TPM3: variants seen among roughly 807,000 people sequenced by gnomAD.
The protein encoded by TPM3 is tropomyosin 3.
A neutral mutation model predicts 43.1 loss-of-function variants in TPM3; 16 were observed. The observed-to-expected ratio is 0.37, with a 90% CI of 0.25 to 0.56. TPM3 has a LOEUF of 0.56. Among genes scored for constraint, TPM3 ranks in the 20% least tolerant of loss-of-function variants. The pLI is 0.77. For missense variants in TPM3, 176 were observed against 337.2 expected (o/e 0.52, Z 3.74); for synonymous variants, 101 against 116.9 (o/e 0.86, Z 0.88).
chr1:154,173,966 T>A (rs956917787), intron 3 of TPM3, among the ~76,000 whole-genome samples: 1 of 151,632 alleles, frequency 6.6e-6, no homozygotes, highest in African/African-American at 2.4e-5. Context: ...GGCGACAGAG[T>A]GAGACACCGT....
intron 8 of TPM3, chr1:154,169,664 G>A: frequency 1.9e-6 from 1 of 537,974 alleles, no homozygotes; most frequent in South Asian, 2.1e-5. Flanking sequence ...GCACTCAAGA[G>A]GATACCACTC....
intron 2 of TPM3, 70 bp downstream of exon 2, chr1:154,191,116 T>A: frequency 6.2e-7 from 1 of 1,611,956 alleles, no homozygotes; most frequent in Non-Finnish European, 8.5e-7. Context: ...GTGTTTGGAA[T>A]TTCGTCATAC....
chr1:154,175,330 CAA>C (rs34360728), intron 3 of TPM3, among the ~76,000 whole-genome samples: 11 of 89,494 alleles, frequency 1.2e-4, no homozygotes, highest in South Asian at 3.8e-4. Flanking sequence ...GACTCTGTCT[CAA>C]AAAAAAAAAA....
Position 154,163,556 on chromosome 1 carries a change from T to C in TPM3, c.*4381A>G, listed in dbSNP as rs971910019. 6.6e-6 allele frequency among the ~76,000 whole-genome samples: 1 copy of C among 152,172 alleles called. No individual in the cohort carries two copies. Among genetic ancestry groups the C allele is most frequent in the Non-Finnish European group, 1.5e-5 (1 of 68,026 alleles). On this transcript the variant is annotated 3_prime_UTR_variant, in exon 10 of 10. Transcript: ENST00000651641. ...ACTAGAAAGCATCCAACCCGGAACT[T>C]TTTAAAGAACTACTCAACCGTCTTC...
chr1:154,174,368 G>A (rs9660782), intron 3 of TPM3, among the ~76,000 whole-genome samples: 18 of 46,378 alleles, frequency 3.9e-4, no homozygotes, highest in Non-Finnish European at 6.9e-4. Flanking sequence ...AAATATATGT[G>A]TATATATATA....
At position 154,173,216 on chromosome 1, in the gene TPM3, A is replaced by G; in HGVS notation, c.378-15T>C. On this transcript the variant is annotated splice_polypyrimidine_tract_variant and intron_variant, in intron 3 of 9. Transcript: ENST00000651641. Reference sequence around the variant, plus strand: ...CCTTCATACCTCTGCCAGAAATAGGACAAAAGCAATACTGACACCCTGAGG... The same window carrying G: ...CCTTCATACCTCTGCCAGAAATAGGGCAAAAGCAATACTGACACCCTGAGG... 1 of 1,609,726 alleles carries G rather than the reference A, an allele frequency of 6.2e-7. No individual in the cohort carries two copies. The highest frequency in any genetic ancestry group is 8.5e-7 in the Non-Finnish European group (1 of 1,176,778).
intron 2 of TPM3, among the ~76,000 whole-genome samples, chr1:154,178,568 G>C (rs1398844769): frequency 3.3e-5 from 5 of 152,212 alleles, no homozygotes; most frequent in African/African-American, 9.6e-5. Context: ...AGGAAGACAA[G>C]CTGACTTTTC....
At chr1:154,172,022 T>A in intron 5 of TPM3, 1 of 1,613,712 alleles carries the variant, frequency 6.2e-7, no homozygotes, top group Non-Finnish European at 8.5e-7. Context: ...GGCTTAATGG[T>A]TAGTACCTTT....
intron 2 of TPM3, chr1:154,183,519 A>C: frequency 8.1e-6 from 3 of 368,592 alleles, no homozygotes; most frequent in South Asian, 2.5e-5. Flanking sequence ...CCCGCAATTG[A>C]CCCCTCACTC....
downstream of TPM3, chr1:154,156,257 T>A (rs1446982261): frequency 5.6e-6 from 1 of 179,760 alleles, no homozygotes; most frequent in Non-Finnish European, 1.2e-5. Flanking sequence ...AAAGAATAAA[T>A]CCTGTTGCTA....
intron 8 of TPM3, chr1:154,169,933 T>A: frequency 4.1e-6 from 1 of 244,116 alleles, no homozygotes; most frequent in Non-Finnish European, 8.1e-6. Context: ...ACAGAAAGTA[T>A]TTAGAAAGCT....
At chr1:154,168,079 A>C in intron 9 of TPM3, 139 bp from the exon 10 acceptor site, 1 of 1,274,862 alleles carries the variant, frequency 7.8e-7, no homozygotes, top group South Asian at 1.3e-5. Context: ...CAGCCTGAGA[A>C]ATGTGGCTTC....
rs1340159602 is a variant in TPM3 at position 154,174,401 on chromosome 1, T to TAC, written c.378-1201_378-1200insGT. On this transcript the variant is annotated intron_variant, in intron 3 of 9. Transcript: ENST00000651641. ...ATATATATATATATATATATATATA[T>TAC]ATATATACACACAAAAATCCCATCC... Among the ~76,000 whole-genome samples the TAC allele has an allele frequency of 2.1e-4, 22 of 104,960 alleles. 1 individual carries two copies. The South Asian group carries it at 6.5e-3, about 31-fold the overall frequency. 68.9% of individuals were successfully genotyped at this position (104,960 alleles called of 152,430 possible).
At chr1:154,187,377 C>T in intron 2 of TPM3, 6 of 984,812 alleles carry the variant, frequency 6.1e-6, no homozygotes, top group Non-Finnish European at 7.2e-6. Context: ...CTCCTGGCCA[C>T]AACCTTCCCT....
chr1:154,157,806 G>T (rs901425130), downstream of TPM3: 5 of 774,786 alleles, frequency 6.5e-6, no homozygotes, highest in African/African-American at 5.1e-5. Flanking sequence ...TCCTGTTGCA[G>T]AGAAGCTGCA....
intron 2 of TPM3, among the ~76,000 whole-genome samples, chr1:154,184,814 T>G (rs1296664956): frequency 2.6e-5 from 4 of 151,916 alleles, no homozygotes; most frequent in Non-Finnish European, 5.9e-5. Flanking sequence ...CTTGGGAGGC[T>G]GAGGTGGGAA....
downstream of TPM3, chr1:154,157,671 C>A (rs1279954710): frequency 1.3e-6 from 1 of 780,446 alleles, no homozygotes; most frequent in South Asian, 1.3e-5. Flanking sequence ...AGGGTCTGGT[C>A]CAGCATCCTT....
At chr1:154,188,536 G>A (rs990299888) in intron 2 of TPM3, among the ~76,000 whole-genome samples, 1 of 151,088 alleles carries the variant, frequency 6.6e-6, no homozygotes, top group Non-Finnish European at 1.5e-5. Flanking sequence ...TTAGCCGGGC[G>A]CGGTGGCGGG....
At chr1:154,175,572 G>A (rs996113847) in intron 3 of TPM3, among the ~76,000 whole-genome samples, 46 of 152,152 alleles carry the variant, frequency 3.0e-4, no homozygotes, top group African/African-American at 1.1e-3. Flanking sequence ...GATCAGCATA[G>A]GAGCTGAGAA....
Sources: gnomAD v4.1 joint callset for allele counts (sites outside exome capture counted in the v4.1 genomes callset) on GRCh38, gnomAD v4.1.1 for gene constraint, MANE v1.5 for transcripts, NCBI Gene and HGNC (gene_info 2026-07-23, HGNC 2026-07-21) for gene names.